Variants in MSI2 observed in about 807,000 individuals in gnomAD.
The protein encoded by MSI2 is musashi RNA binding protein 2.
Under a neutral mutation model 45.6 loss-of-function variants are expected in MSI2, and 17 were observed. The ratio of observed to expected loss-of-function variants is 0.37; its 90% CI spans 0.26 to 0.56. The LOEUF (loss-of-function observed/expected upper bound fraction) is 0.56, where lower values mean the gene tolerates loss of function less well. Among genes scored for constraint, MSI2 ranks in the 20% least tolerant of loss-of-function variants. The pLI is 0.77. For missense variants in MSI2, 293 were observed against 444.2 expected, an observed-to-expected ratio of 0.66 and a Z score of 3.06; for synonymous variants, 156 against 158.2, an observed-to-expected ratio of 0.99 and a Z score of 0.11.
intron 7 of MSI2, among the ~76,000 whole-genome samples, chr17:57,533,616 G>A (rs1199494581): frequency 2.0e-5 from 3 of 152,216 alleles, no homozygotes; most frequent in African/African-American, 4.8e-5. Context: ...GTTGTTGCAG[G>A]TTGGGTTCCC....
intron 5 of MSI2, among the ~76,000 whole-genome samples, chr17:57,317,197 C>T (rs779725217): frequency 6.6e-6 from 1 of 152,154 alleles, no homozygotes; most frequent in Non-Finnish European, 1.5e-5. Flanking sequence ...GGCATATGCA[C>T]TCGATTAGCC....
At position 57,627,185 on chromosome 17, in the gene MSI2, G is replaced by T. The variant is rs1291325025; in HGVS notation, c.653-44G>T. 1 of 1,565,858 alleles carries T rather than the reference G, an allele frequency of 6.4e-7. No individual in the cohort carries two copies. Among genetic ancestry groups the T allele is most frequent in the Non-Finnish European group, 8.8e-7 (1 of 1,136,146 alleles). The stretch of plus-strand genomic sequence containing the variant: ...CGTGAGATTTTACCCCAGACCTGAG[G>T]CGGCTGTACTAACAGGACTCTGATC... On this transcript the variant is annotated intron_variant, in intron 9 of 13. Coordinates refer to ENST00000284073, the MANE Select transcript of MSI2 (RefSeq NM_138962.4). This position sits in a 1 kb window ranked among gnomAD's most constrained non-coding sequence, Gnocchi z 4.6.
At chr17:57,451,821 T>A (rs1452717939) in intron 6 of MSI2, among the ~76,000 whole-genome samples, 1 of 152,160 alleles carries the variant, frequency 6.6e-6, no homozygotes, top group African/African-American at 2.4e-5. Context: ...TCTTTAAAAC[T>A]CTTCACAACT....
At chr17:57,571,738 T>C (rs1480687168) in intron 7 of MSI2, among the ~76,000 whole-genome samples, 1 of 152,196 alleles carries the variant, frequency 6.6e-6, no homozygotes, top group Non-Finnish European at 1.5e-5. Context: ...ATGATAATAA[T>C]GTCACTTTGA....
intron 7 of MSI2, among the ~76,000 whole-genome samples, chr17:57,587,380 A>AGC (rs1303767547): frequency 6.6e-6 from 1 of 152,238 alleles, no homozygotes; most frequent in Admixed American, 6.5e-5. Context: ...AGGAAAGAAG[A>AGC]GCACCTTTCC....
At chr17:57,676,713 C>T (rs1048107232) in intron 12 of MSI2, among the ~76,000 whole-genome samples, 9 of 152,214 alleles carry the variant, frequency 5.9e-5, no homozygotes, top group Admixed American at 3.9e-4. Context: ...GGGGCACAAA[C>T]CCCCGTTTCC....
At chr17:57,679,477 A>C in intron 13 of MSI2, 72 bp from the exon 14 acceptor site, 4 of 792,336 alleles carry the variant, frequency 5.0e-6, no homozygotes, top group Non-Finnish European at 6.3e-6. Context: ...CTTGTCTGAC[A>C]CTTCTTTCTC....
chr17:57,518,872 A>T (rs963533779), intron 6 of MSI2, among the ~76,000 whole-genome samples: 3 of 152,190 alleles, frequency 2.0e-5, no homozygotes, highest in African/African-American at 7.2e-5. Flanking sequence ...GCCAGATGCC[A>T]TTTCCATGTG....
intron 7 of MSI2, among the ~76,000 whole-genome samples, chr17:57,593,179 T>A (rs1225903264): frequency 6.6e-6 from 1 of 152,170 alleles, no homozygotes; most frequent in Non-Finnish European, 1.5e-5. Flanking sequence ...AGCAGCATGA[T>A]TGGCCAAGTC....
At chr17:57,312,193 A>T (rs968751986) in intron 5 of MSI2, among the ~76,000 whole-genome samples, 1 of 152,206 alleles carries the variant, frequency 6.6e-6, no homozygotes, top group Non-Finnish European at 1.5e-5. Flanking sequence ...GAACTACATT[A>T]TTGTATAGTT....
intron 6 of MSI2, among the ~76,000 whole-genome samples, chr17:57,480,372 C>A (rs927400324): frequency 1.3e-5 from 2 of 152,136 alleles, no homozygotes; most frequent in Admixed American, 6.5e-5. Context: ...CCATTAAAAA[C>A]AAACCCAAAA....
intron 6 of MSI2, among the ~76,000 whole-genome samples, chr17:57,473,514 CGGG>C (rs1222116152): frequency 1.3e-5 from 2 of 152,132 alleles, no homozygotes; most frequent in Non-Finnish European, 2.9e-5. Flanking sequence ...GCATTTCCGT[CGGG>C]GGGCCTCTGG....
chr17:57,267,004 C>T (rs556963016), intron 5 of MSI2: 5 of 152,500 alleles, frequency 3.3e-5, no homozygotes, highest in African/African-American at 7.2e-5. Flanking sequence ...AGCGTGTACA[C>T]GCACACCTCC....
At chr17:57,430,102 G>A (rs1214289621) in intron 6 of MSI2, among the ~76,000 whole-genome samples, 1 of 152,168 alleles carries the variant, frequency 6.6e-6, no homozygotes, top group East Asian at 1.9e-4. Context: ...TTATTTGTAA[G>A]GATGGAACTC....
chr17:57,372,739 CT>C (rs962407710), intron 5 of MSI2, among the ~76,000 whole-genome samples: 28 of 152,292 alleles, frequency 1.8e-4, no homozygotes, highest in African/African-American at 5.3e-4. Flanking sequence ...TTCATCGCCC[CT>C]ATTCACGCTT....
At chr17:57,288,968 G>A (rs752445433) in intron 5 of MSI2, among the ~76,000 whole-genome samples, 1 of 152,144 alleles carries the variant, frequency 6.6e-6, no homozygotes, top group East Asian at 1.9e-4. Context: ...CGTGTCTCCT[G>A]GGGGACACAG....
intron 7 of MSI2, among the ~76,000 whole-genome samples, chr17:57,537,583 C>G (rs972712170): frequency 6.6e-6 from 1 of 152,228 alleles, no homozygotes. Flanking sequence ...CCTGTAGAAT[C>G]TGGCAACATC....
downstream of MSI2, among the ~76,000 whole-genome samples, chr17:57,689,687 T>A (rs542017429): frequency 6.6e-6 from 1 of 152,346 alleles, no homozygotes; most frequent in African/African-American, 2.4e-5. Flanking sequence ...TTGAGCTCCT[T>A]ACTGGCATCC....
At chr17:57,505,558 T>G (rs764724737) in intron 6 of MSI2, among the ~76,000 whole-genome samples, 2 of 152,228 alleles carry the variant, frequency 1.3e-5, no homozygotes, top group Admixed American at 6.5e-5. Flanking sequence ...TATGCAGGTA[T>G]TCCTTGCTTT....
Sources: gnomAD v4.1 joint callset for allele counts (sites outside exome capture counted in the v4.1 genomes callset) on GRCh38, gnomAD v4.1.1 for gene constraint, Gnocchi (gnomAD v3.1) non-coding constraint, MANE v1.5 for transcripts, NCBI Gene and HGNC (gene_info 2026-07-23, HGNC 2026-07-21) for gene names.